The following PPM1H variants were observed in gnomAD, a reference collection of about 807,000 sequenced individuals.
The protein encoded by PPM1H is protein phosphatase, Mg2+/Mn2+ dependent 1H.
A neutral mutation model predicts 54.9 loss-of-function variants in PPM1H; 27 were observed. The observed-to-expected ratio is 0.49, with a 90% CI of 0.36 to 0.68. The LOEUF (loss-of-function observed/expected upper bound fraction) is 0.68. PPM1H is among the 30% of genes least tolerant of loss of function. The probability of loss-of-function intolerance (pLI) is 0.00; values close to 1 mark genes in which losing one functional copy is unlikely to be tolerated. For synonymous variants in PPM1H, 305 were observed against 270.8 expected (o/e 1.13, Z -1.24); for missense variants, 596 against 667.8 (o/e 0.89, Z 1.19).
At chr12:62,828,678 T>C (rs1026952757) in intron 2 of PPM1H, among the ~76,000 whole-genome samples, 53 of 152,228 alleles carry the variant, frequency 3.5e-4, no homozygotes, top group African/African-American at 9.2e-4. Flanking sequence ...TCTCAGTACA[T>C]AGCAGGTGCT....
chr12:62,695,476 G>A (rs1174161456), intron 6 of PPM1H, among the ~76,000 whole-genome samples: 1 of 152,172 alleles, frequency 6.6e-6, no homozygotes, highest in Non-Finnish European at 1.5e-5. Context: ...CTGCTGTTGA[G>A]TGAGCTGAGA....
chr12:62,679,096 C>T (rs1472856225), intron 8 of PPM1H, among the ~76,000 whole-genome samples: 2 of 152,162 alleles, frequency 1.3e-5, no homozygotes, highest in East Asian at 1.9e-4. Flanking sequence ...AAGTGATTCT[C>T]CTGCCTCAGC....
At chr12:62,855,111 C>T (rs1869335526) in intron 1 of PPM1H, among the ~76,000 whole-genome samples, 1 of 152,120 alleles carries the variant, frequency 6.6e-6, no homozygotes, top group African/African-American at 2.4e-5. Context: ...GTACTGATCC[C>T]AGTAATAGTA....
At chr12:62,881,534 G>A (rs531557730) in intron 1 of PPM1H, among the ~76,000 whole-genome samples, 1 of 152,302 alleles carries the variant, frequency 6.6e-6, no homozygotes, top group African/African-American at 2.4e-5. Context: ...ACAAGATTCA[G>A]CCTATGGGAT....
At chr12:62,893,029 C>A (rs1455261530) in intron 1 of PPM1H, among the ~76,000 whole-genome samples, 5 of 152,156 alleles carry the variant, frequency 3.3e-5, no homozygotes, top group Non-Finnish European at 7.4e-5. Context: ...GAAGCTTGGG[C>A]TACAGTCTAG....
chr12:62,814,409 G>T (rs535167385), intron 2 of PPM1H, among the ~76,000 whole-genome samples: 2 of 151,794 alleles, frequency 1.3e-5, no homozygotes, highest in Non-Finnish European at 2.9e-5. Flanking sequence ...TGTAGAGAGG[G>T]TCTTGCTATG....
chr12:62,725,798 C>A (rs956591450), intron 5 of PPM1H, among the ~76,000 whole-genome samples: 1 of 151,994 alleles, frequency 6.6e-6, no homozygotes, highest in African/African-American at 2.4e-5. Flanking sequence ...TGTCCCCTGG[C>A]TGGCAGCAAA....
chr12:62,755,704 G>C lies in PPM1H; in HGVS notation c.870-18118C>G, dbSNP rs1289844809. On this transcript the variant is annotated intron_variant, in intron 4 of 9. Transcript: ENST00000228705. ...TATCACCAACTGCTTAGTGCCTCTG[G>C]CCAAGGTTATCCATGACAACTCCGG... The C allele has an allele frequency of 1.2e-4, 85 of 688,650 alleles. 1 individual carries two copies. Among genetic ancestry groups the C allele is most frequent in the Middle Eastern group, 3.3e-4 (1 of 3,074 alleles). The allele number at this position is 688,650 out of a possible 1,614,324, so 42.7% of individuals were successfully genotyped here. A position where few individuals can be genotyped will look rare whatever the true frequency, so the allele number is the denominator to read the frequency against.
chr12:62,858,283 T>A (rs1869467408), intron 1 of PPM1H, among the ~76,000 whole-genome samples: 1 of 152,142 alleles, frequency 6.6e-6, no homozygotes, highest in Non-Finnish European at 1.5e-5. Context: ...GCCTGCAGGA[T>A]GTGGCCCAGA....
intron 6 of PPM1H, among the ~76,000 whole-genome samples, chr12:62,714,871 T>C (rs1214465530): frequency 6.6e-6 from 1 of 152,224 alleles, no homozygotes; most frequent in Non-Finnish European, 1.5e-5. Context: ...TTTTCTTCTT[T>C]GGCCCTTGCT....
At chr12:62,920,005 T>G (rs1871743303) in intron 1 of PPM1H, among the ~76,000 whole-genome samples, 1 of 152,130 alleles carries the variant, frequency 6.6e-6, no homozygotes, top group Non-Finnish European at 1.5e-5. Context: ...AGTTGCCAAT[T>G]CTTCTCTTCT....
At chr12:62,793,004 C>G (rs2076709233) in intron 3 of PPM1H, among the ~76,000 whole-genome samples, 1 of 152,020 alleles carries the variant, frequency 6.6e-6, no homozygotes, top group Admixed American at 6.6e-5. Context: ...TCTTAAAAAC[C>G]TCAAGTTTTT....
rs1015193788 is a variant in PPM1H at position 62,715,788 on chromosome 12, A to C, written c.1073+4383T>G. Among the ~76,000 whole-genome samples the C allele has an allele frequency of 6.6e-5, 10 of 152,112 alleles. No individual in the cohort carries two copies. The East Asian group carries it at 1.4e-3, about 21-fold the overall frequency. On this transcript the variant is annotated intron_variant, in intron 6 of 9. Transcript: ENST00000228705. ...CAGAACCCCCACCCCCAAATGACAC[A>C]AGCTCTTAGTGAGAAGTGTGAAGCA... is the stretch of plus-strand genomic sequence containing the variant.
chr12:62,717,868 G>A (rs542965261), intron 6 of PPM1H, among the ~76,000 whole-genome samples: 1 of 152,306 alleles, frequency 6.6e-6, no homozygotes, highest in Admixed American at 6.5e-5. Flanking sequence ...TAGTAACAAT[G>A]AGCTGTTCTT....
intron 3 of PPM1H, among the ~76,000 whole-genome samples, chr12:62,793,771 G>C (rs1355343072): frequency 7.5e-6 from 1 of 133,418 alleles, no homozygotes; most frequent in Non-Finnish European, 1.6e-5. Flanking sequence ...AAGGCAAACA[G>C]AGATGTGTGT....
Position 62,712,769 on chromosome 12 carries a change from G to T in PPM1H, c.1073+7402C>A, listed in dbSNP as rs545075389. On this transcript the variant is annotated intron_variant, in intron 6 of 9. Coordinates refer to ENST00000228705, the MANE Select transcript of PPM1H (RefSeq NM_020700.2). ...CACATAAATTTGGGCCCCAAAGAGGGACACTGTCCCTTTAAAAACCGCCTT... is the reference window on the plus strand; with the variant it reads ...CACATAAATTTGGGCCCCAAAGAGGTACACTGTCCCTTTAAAAACCGCCTT... Among the ~76,000 whole-genome samples, 4 of 152,264 alleles carry T rather than the reference G, an allele frequency of 2.6e-5. No homozygotes were observed. The East Asian group carries it at 7.7e-4, about 29-fold the overall frequency.
At chr12:62,788,851 G>A (rs746963458) in intron 3 of PPM1H, among the ~76,000 whole-genome samples, 8 of 151,490 alleles carry the variant, frequency 5.3e-5, no homozygotes, top group East Asian at 2.0e-4. Flanking sequence ...TCAGCCTTCC[G>A]AGTACCTGGG....
intron 4 of PPM1H, among the ~76,000 whole-genome samples, chr12:62,761,872 A>C (rs1009897507): frequency 2.6e-5 from 4 of 152,184 alleles, no homozygotes; most frequent in African/African-American, 7.2e-5. Flanking sequence ...AGGCTTAGAC[A>C]TGAAGACTGA....
intron 1 of PPM1H, among the ~76,000 whole-genome samples, chr12:62,891,024 G>A (rs1333301746): frequency 2.7e-5 from 4 of 146,248 alleles, no homozygotes; most frequent in African/African-American, 5.1e-5. Flanking sequence ...CAGGAGAATC[G>A]CTTGATCCCA....
Sources: allele counts gnomAD v4.1 joint callset (sites outside exome capture counted in the v4.1 genomes callset), GRCh38; gene constraint gnomAD v4.1.1; transcripts MANE v1.5; gene names NCBI Gene and HGNC (gene_info 2026-07-23, HGNC 2026-07-21).